The following BMAL1 variants were observed in gnomAD, a reference collection of about 807,000 sequenced individuals.
BMAL1 encodes the protein basic helix-loop-helix ARNT like 1, also known as basic helix-loop-helix ARNT-like protein 1.
At chr11:13,358,336 A>G in the BMAL1 span, 1 of 1,301,084 alleles carries the variant, frequency 7.7e-7, no homozygotes. Context: ...GCCTTGTCAG[A>G]TGAACATTGA....
chr11:13,283,068 G>T, the BMAL1 span, among the ~76,000 whole-genome samples: 1 of 152,228 alleles, frequency 6.6e-6, no homozygotes, highest in Non-Finnish European at 1.5e-5. Context: ...CATCTTTGCT[G>T]CAGGGGAACG....
chr11:13,331,950 C>G, the BMAL1 span, among the ~76,000 whole-genome samples: 1 of 152,140 alleles, frequency 6.6e-6, no homozygotes, highest in East Asian at 1.9e-4. Context: ...TGCGAAGAGG[C>G]CGGGCGGGGT....
At chr11:13,376,125 C>A in the BMAL1 span, among the ~76,000 whole-genome samples, 18 of 152,364 alleles carry the variant, frequency 1.2e-4, no homozygotes, top group African/African-American at 3.1e-4. Flanking sequence ...CTAGCTCACA[C>A]TGGCCTTGGC....
chr11:13,280,190 T>C, the BMAL1 span, among the ~76,000 whole-genome samples: 1 of 152,250 alleles, frequency 6.6e-6, no homozygotes, highest in East Asian at 1.9e-4. Flanking sequence ...GTTAAGCAGA[T>C]CAACAGATGG....
At chr11:13,278,159 C>G in the BMAL1 span, among the ~76,000 whole-genome samples, 1 of 152,224 alleles carries the variant, frequency 6.6e-6, no homozygotes, top group African/African-American at 2.4e-5. Flanking sequence ...CGCCCCCATC[C>G]TCCTCGCGGG....
the BMAL1 span, among the ~76,000 whole-genome samples, chr11:13,343,919 C>T: frequency 2.0e-5 from 3 of 152,146 alleles, no homozygotes; most frequent in African/African-American, 7.2e-5. Flanking sequence ...CTGATCAAGC[C>T]CCATAGCTCC....
the BMAL1 span, among the ~76,000 whole-genome samples, chr11:13,291,291 G>T: frequency 6.6e-6 from 1 of 152,164 alleles, no homozygotes; most frequent in Non-Finnish European, 1.5e-5. Context: ...CCCTATGAGG[G>T]TTTGCAACTA....
At chr11:13,281,965 TC>T in the BMAL1 span, among the ~76,000 whole-genome samples, 3 of 152,184 alleles carry the variant, frequency 2.0e-5, no homozygotes, top group South Asian at 6.2e-4. Flanking sequence ...TGGCCTGGGG[TC>T]CCCTCTCTAG....
chr11:13,366,805 A>G, the BMAL1 span: 26 of 1,598,988 alleles, frequency 1.6e-5, no homozygotes, highest in Non-Finnish European at 1.7e-5. Context: ...GAGGCCTCGC[A>G]TTTCCTCAGC....
chr11:13,378,636 A>G, the BMAL1 span: 1 of 655,932 alleles, frequency 1.5e-6, no homozygotes, highest in Admixed American at 3.6e-5. Flanking sequence ...AGTAAACAGG[A>G]CAGTTCCCTC....
chr11:13,342,574 T>C, the BMAL1 span, among the ~76,000 whole-genome samples: 6 of 152,088 alleles, frequency 3.9e-5, no homozygotes, highest in African/African-American at 1.4e-4. Context: ...CGTTTAAAGG[T>C]CCAAGAAGCC....
At chr11:13,309,771 C>T in the BMAL1 span, among the ~76,000 whole-genome samples, 3 of 152,078 alleles carry the variant, frequency 2.0e-5, no homozygotes, top group African/African-American at 7.2e-5. Context: ...TTACCATAGG[C>T]ATGCCGCCAC....
At chr11:13,371,270 T>C in the BMAL1 span, among the ~76,000 whole-genome samples, 1 of 151,904 alleles carries the variant, frequency 6.6e-6, no homozygotes, top group Admixed American at 6.5e-5. Flanking sequence ...TCTCTCTCTC[T>C]TCTAGTCTGT....
the BMAL1 span, among the ~76,000 whole-genome samples, chr11:13,284,610 G>A: frequency 6.7e-6 from 1 of 148,828 alleles, no homozygotes; most frequent in Non-Finnish European, 1.5e-5. Context: ...TCTGGAAATT[G>A]TCTTTTTTTT....
At chr11:13,320,664 T>C in the BMAL1 span, among the ~76,000 whole-genome samples, 1 of 152,252 alleles carries the variant, frequency 6.6e-6, no homozygotes, top group African/African-American at 2.4e-5. Flanking sequence ...TCCTCTCTTA[T>C]CTTCCTGCTG....
At chr11:13,374,197 G>A in the BMAL1 span, 1 of 1,612,574 alleles carries the variant, frequency 6.2e-7, no homozygotes, top group Non-Finnish European at 8.5e-7. Context: ...AATGTCATAG[G>A]CAAGGTAAGC....
chr11:13,386,409 T>TA, the BMAL1 span, among the ~76,000 whole-genome samples: 1 of 152,188 alleles, frequency 6.6e-6, no homozygotes, highest in Non-Finnish European at 1.5e-5. Context: ...TACGTATTTT[T>TA]AAAAAATTGG....
the BMAL1 span, chr11:13,375,535 A>T: frequency 1.4e-5 from 17 of 1,258,136 alleles, no homozygotes; most frequent in Non-Finnish European, 1.8e-5. Context: ...AGTACCTTTA[A>T]TATTTTGTAT....
chr11:13,374,705 G>T, the BMAL1 span, among the ~76,000 whole-genome samples: 2 of 152,080 alleles, frequency 1.3e-5, no homozygotes, highest in African/African-American at 2.4e-5. Flanking sequence ...CCTACTTAGA[G>T]ACCTGTGATA....
Sources: allele counts gnomAD v4.1 joint callset (sites outside exome capture counted in the v4.1 genomes callset), GRCh38; gene constraint gnomAD v4.1.1; transcripts MANE v1.5; gene names NCBI Gene and HGNC (gene_info 2026-07-23, HGNC 2026-07-21).